Variants in CDK14 observed in about 807,000 individuals in gnomAD.
The protein encoded by CDK14 is cyclin-dependent kinase 14.
CDK14 carries 34 observed loss-of-function variants against 60.7 expected under a neutral mutation model. The ratio of observed to expected loss-of-function variants is 0.56; its 90% CI spans 0.43 to 0.75. CDK14 has a LOEUF of 0.75. Among genes scored for constraint, CDK14 ranks in the 30% least tolerant of loss-of-function variants. The pLI is 0.00. For synonymous variants in CDK14, 197 were observed against 203.7 expected, an observed-to-expected ratio of 0.97 and a Z score of 0.28; for missense variants, 482 against 564.1, an observed-to-expected ratio of 0.85 and a Z score of 1.47.
At chr7:90,633,874 T>G (rs937245570) in intron 2 of CDK14, among the ~76,000 whole-genome samples, 1 of 152,202 alleles carries the variant, frequency 6.6e-6, no homozygotes, top group Non-Finnish European at 1.5e-5. Flanking sequence ...TAGATTCTGT[T>G]GTAGGTACTG....
intron 11 of CDK14, among the ~76,000 whole-genome samples, chr7:91,051,759 T>C (rs1797399212): frequency 6.6e-6 from 1 of 152,250 alleles, no homozygotes; most frequent in South Asian, 2.1e-4. Flanking sequence ...CTCTCTGCTA[T>C]AAATTCCTCC....
At chr7:90,887,811 T>C (rs958115612) in intron 6 of CDK14, among the ~76,000 whole-genome samples, 7 of 152,194 alleles carry the variant, frequency 4.6e-5, no homozygotes, top group African/African-American at 1.4e-4. Context: ...TCATTTTTAA[T>C]TAAGAAGAGA....
chr7:90,731,680 AC>A (rs1239682369), intron 3 of CDK14, among the ~76,000 whole-genome samples: 2 of 152,142 alleles, frequency 1.3e-5, no homozygotes, highest in African/African-American at 4.8e-5. Flanking sequence ...TGATTTTTGC[AC>A]ATTGATTTTT....
intron 6 of CDK14, among the ~76,000 whole-genome samples, chr7:90,869,406 G>A (rs1791295253): frequency 6.6e-6 from 1 of 152,202 alleles, no homozygotes; most frequent in South Asian, 2.1e-4. Flanking sequence ...CAGGGAGCTA[G>A]CAAGGATGAC....
At chr7:90,800,258 A>G (rs1788588323) in intron 5 of CDK14, among the ~76,000 whole-genome samples, 1 of 152,176 alleles carries the variant, frequency 6.6e-6, no homozygotes, top group South Asian at 2.1e-4. Flanking sequence ...AGAGGTAGAT[A>G]TAAACTGAAA....
intron 5 of CDK14, among the ~76,000 whole-genome samples, chr7:90,840,138 G>A (rs891476639): frequency 2.6e-5 from 4 of 152,098 alleles, no homozygotes; most frequent in Non-Finnish European, 4.4e-5. Context: ...AGAAGCTGTC[G>A]GACTTTCAAG....
At chr7:90,959,524 A>G (rs1794535005) in intron 9 of CDK14, among the ~76,000 whole-genome samples, 1 of 152,146 alleles carries the variant, frequency 6.6e-6, no homozygotes, top group South Asian at 2.1e-4. Context: ...AGAAGTGCAA[A>G]TATTAACCCA....
rs143463342 is a variant in CDK14 at position 91,156,506 on chromosome 7, T to A, written c.*28+38298T>A. Among the ~76,000 whole-genome samples the A allele has an allele frequency of 7.6e-3, 1,151 of 152,186 alleles. 4 individuals carry two copies. The highest frequency in any genetic ancestry group is 0.012 in the Non-Finnish European group (813 of 67,996). The stretch of plus-strand genomic sequence containing the variant: ...CTCTCTTGCCTACAGCTGCTCTCAA[T>A]ATGGCTCACCATGACTGAAAGGAAA... On this transcript the variant is annotated intron_variant, in intron 14 of 14. Transcript: ENST00000380050.
At chr7:90,885,438 G>A (rs1791911088) in intron 6 of CDK14, among the ~76,000 whole-genome samples, 1 of 151,912 alleles carries the variant, frequency 6.6e-6, no homozygotes, top group African/African-American at 2.4e-5. Flanking sequence ...ATAGATGGTG[G>A]CGAGGCTGTG....
intron 4 of CDK14, among the ~76,000 whole-genome samples, chr7:90,752,544 T>A (rs913227441): frequency 6.6e-6 from 1 of 152,030 alleles, no homozygotes; most frequent in African/African-American, 2.4e-5. Flanking sequence ...CAGCACTAAA[T>A]GGCTACCTAA....
intron 14 of CDK14, among the ~76,000 whole-genome samples, chr7:91,182,282 T>C (rs1022709569): frequency 2.0e-5 from 3 of 152,150 alleles, no homozygotes; most frequent in Admixed American, 1.3e-4. Flanking sequence ...CTGTATAATC[T>C]AATTATTGTA....
chr7:90,816,996 A>T (rs573959321), intron 5 of CDK14, among the ~76,000 whole-genome samples: 22 of 152,166 alleles, frequency 1.4e-4, no homozygotes, highest in Non-Finnish European at 2.9e-4. Context: ...GCAGTGAATC[A>T]CTTAGTTAAA....
intron 2 of CDK14, among the ~76,000 whole-genome samples, chr7:90,697,563 C>T (rs540007769): frequency 3.9e-5 from 6 of 152,214 alleles, no homozygotes; most frequent in South Asian, 2.1e-4. Context: ...TTTAGCTTTT[C>T]GGATGTTACA....
intron 12 of CDK14, among the ~76,000 whole-genome samples, chr7:91,091,283 T>C (rs1381022864): frequency 6.9e-6 from 1 of 145,488 alleles, no homozygotes; most frequent in Non-Finnish European, 1.5e-5. Context: ...TATAAATATA[T>C]ATGTATATAT....
chr7:90,732,869 T>A (rs1356735785), intron 3 of CDK14, among the ~76,000 whole-genome samples: 2 of 152,190 alleles, frequency 1.3e-5, no homozygotes, highest in South Asian at 2.1e-4. Context: ...AGTTATTTCT[T>A]GTCTTCTGCT....
chr7:91,005,913 T>G (rs1013258266), intron 10 of CDK14, among the ~76,000 whole-genome samples: 4 of 152,212 alleles, frequency 2.6e-5, no homozygotes, highest in African/African-American at 9.6e-5. Flanking sequence ...GGGGTCCACA[T>G]GGCACTTAAC....
intron 5 of CDK14, among the ~76,000 whole-genome samples, chr7:90,837,508 A>G (rs1056557390): frequency 6.6e-6 from 1 of 152,154 alleles, no homozygotes; most frequent in Non-Finnish European, 1.5e-5. Context: ...TGATAAGCTT[A>G]GTGTATTAGA....
intron 4 of CDK14, among the ~76,000 whole-genome samples, chr7:90,780,533 T>C (rs1319779568): frequency 1.3e-5 from 2 of 149,758 alleles, no homozygotes; most frequent in Non-Finnish European, 1.5e-5. Flanking sequence ...CATTAACTCG[T>C]CATTTAGTAT....
intron 2 of CDK14, among the ~76,000 whole-genome samples, chr7:90,637,873 G>C (rs933080441): frequency 2.1e-4 from 32 of 149,816 alleles, no homozygotes; most frequent in Non-Finnish European, 3.1e-4. Flanking sequence ...GAATTGATCC[G>C]TTTACCATTA....
Sources: allele counts gnomAD v4.1 joint callset (sites outside exome capture counted in the v4.1 genomes callset), GRCh38; gene constraint gnomAD v4.1.1; transcripts MANE v1.5; gene names NCBI Gene and HGNC (gene_info 2026-07-23, HGNC 2026-07-21).